Variants in CHST11 observed in about 807,000 individuals in gnomAD.
The protein encoded by CHST11 is C4S-1.
Under a neutral mutation model 30.4 loss-of-function variants are expected in CHST11, and 9 were observed. The observed-to-expected ratio is 0.30, with a 90% CI of 0.18 to 0.52. CHST11 has a LOEUF of 0.52. Ranked by LOEUF, CHST11 falls within the 20% of genes least tolerant of loss-of-function variation. The probability of loss-of-function intolerance (pLI) is 0.97; values close to 1 mark genes in which losing one functional copy is unlikely to be tolerated. For synonymous variants in CHST11, 152 were observed against 187.8 expected (o/e 0.81, Z 1.56); for missense variants, 348 against 460.6 (o/e 0.76, Z 2.24).
At chr12:104,662,647 A>T (rs1399457727) in intron 2 of CHST11, among the ~76,000 whole-genome samples, 2 of 152,174 alleles carry the variant, frequency 1.3e-5, no homozygotes, top group Non-Finnish European at 1.5e-5. Context: ...TGTAATTCCC[A>T]GCTCACCAAG....
chr12:104,603,640 G>A lies in CHST11; in HGVS notation c.204+1649G>A, dbSNP rs75395962. 5.2e-4 allele frequency among the ~76,000 whole-genome samples: 79 copies of A among 152,322 alleles called. 1 individual carries two copies. In the East Asian group the frequency reaches 0.015, roughly 28 times the overall value. On this transcript the variant is annotated intron_variant, in intron 2 of 2. Coordinates refer to ENST00000303694, the MANE Select transcript of CHST11 (RefSeq NM_018413.6). ...CCTAAAACTCTCCCTGGAATGTTGG[G>A]AGGATGAAATAATTCTGATGTGTCA...
intron 1 of CHST11, among the ~76,000 whole-genome samples, chr12:104,578,891 T>G (rs2038710977): frequency 6.6e-6 from 1 of 152,212 alleles, no homozygotes; most frequent in Admixed American, 6.5e-5. Flanking sequence ...TGTTAGGCTC[T>G]TGTGACATGC....
chr12:104,757,338 C>T lies in CHST11; in HGVS notation c.594C>T (p.Asn198=). The T allele has an allele frequency of 6.2e-7, 1 of 1,614,158 alleles. No homozygotes were observed. The highest frequency in any genetic ancestry group is 1.3e-5 in the African/African-American group (1 of 75,028). The part of the protein sequence containing the change: ...PFERLVSAYR[N]KFTQKYNISF... ...AGAGGCTAGTGTCCGCCTACCGCAA[C>T]AAGTTCACCCAGAAGTACAACATCT... The change falls in exon 3 of 3, where the codon AAC becomes AAT. Residue 198 remains asparagine (N), a synonymous_variant. Coordinates refer to ENST00000303694, the MANE Select transcript of CHST11 (RefSeq NM_018413.6). The surrounding 1 kb of genome is among the most constrained non-coding windows in gnomAD (Gnocchi z 6.5).
rs182784093 is a variant in CHST11 at position 104,594,264 on chromosome 12, A to G, written c.119-7642A>G. ...ACTGGGCCCAGTATTTTCCTCTGCA[A>G]ATGAGCAGGGTGACCAGACGAGGGC... On this transcript the variant is annotated intron_variant, in intron 1 of 2. Transcript: ENST00000303694. 4.0e-3 allele frequency among the ~76,000 whole-genome samples: 557 copies of G among 138,040 alleles called. 1 individual carries two copies. Among genetic ancestry groups the G allele is most frequent in the Admixed American group, 7.3e-3 (104 of 14,294 alleles). The allele number at this position is 138,040 out of a possible 152,430, so 90.6% of individuals were successfully genotyped here.
At chr12:104,497,526 C>T (rs2135971998) in intron 1 of CHST11, among the ~76,000 whole-genome samples, 1 of 152,246 alleles carries the variant, frequency 6.6e-6, no homozygotes, top group Admixed American at 6.5e-5. Flanking sequence ...GCAGCCCAGG[C>T]AAATCAATAC....
chr12:104,584,236 C>T (rs1383609622), intron 1 of CHST11, among the ~76,000 whole-genome samples: 1 of 147,784 alleles, frequency 6.8e-6, no homozygotes, highest in Admixed American at 6.9e-5. Context: ...TCTATTTTAA[C>T]AAAGTTGTTT....
Position 104,761,654 on chromosome 12 carries a change from G to T in CHST11, c.*3851G>T, listed in dbSNP as rs528122227. The T allele has an allele frequency of 1.3e-5, 2 of 152,348 alleles. No individual in the cohort carries two copies. Among genetic ancestry groups the T allele is most frequent in the African/African-American group, 4.8e-5 (2 of 41,526 alleles). The allele number at this position is 152,348 out of a possible 1,614,324, so 9.4% of individuals were successfully genotyped here. A position where few individuals can be genotyped will look rare whatever the true frequency, so the allele number is the denominator to read the frequency against. On this transcript the variant is annotated 3_prime_UTR_variant, in exon 3 of 3. Transcript: ENST00000303694. ...ATCACAACCAGTTAGAACCCTACAGGCAACAAGGCCTTCTAGAATCCGCTT... is the reference window on the plus strand; with the variant it reads ...ATCACAACCAGTTAGAACCCTACAGTCAACAAGGCCTTCTAGAATCCGCTT...
chr12:104,634,428 G>A lies in CHST11; in HGVS notation c.204+32437G>A, dbSNP rs118187597. ...TGTTAGAGGGAATATAAGAGGAGCC[G>A]AGCTGGCTCCACCACAGGGCTGCCG... On this transcript the variant is annotated intron_variant, in intron 2 of 2. Transcript: ENST00000303694. 8.9e-4 allele frequency among the ~76,000 whole-genome samples: 136 copies of A among 152,270 alleles called. 2 individuals are homozygous for A. The East Asian group carries it at 0.024, about 27-fold the overall frequency.
chr12:104,523,728 A>T (rs2038096017), intron 1 of CHST11, among the ~76,000 whole-genome samples: 1 of 152,232 alleles, frequency 6.6e-6, no homozygotes, highest in Non-Finnish European at 1.5e-5. Flanking sequence ...GTTGCTTGTT[A>T]GAACACTGGC....
intron 2 of CHST11, among the ~76,000 whole-genome samples, chr12:104,636,011 A>T (rs2039319921): frequency 6.6e-6 from 1 of 152,232 alleles, no homozygotes; most frequent in Non-Finnish European, 1.5e-5. Context: ...TATAATTAAC[A>T]TTTACAGAGT....
In CHST11 at chr12:104,458,454, A is replaced by T. The variant is rs1290416339; in HGVS notation, c.118+925A>T. On this transcript the variant is annotated intron_variant, in intron 1 of 2. Coordinates refer to ENST00000303694, the MANE Select transcript of CHST11 (RefSeq NM_018413.6). This position sits in a 1 kb window ranked among gnomAD's most constrained non-coding sequence, Gnocchi z 5.7. ...GTCCGAAATCTGGACTGGGGGAGGG[A>T]CGAGGCTCGTCGCTTCCTAGGGGTG... is the stretch of plus-strand genomic sequence containing the variant. Among the ~76,000 whole-genome samples the T allele has an allele frequency of 6.6e-6, 1 of 152,072 alleles. No homozygotes were observed. Among genetic ancestry groups the T allele is most frequent in the Non-Finnish European group, 1.5e-5 (1 of 68,004 alleles).
intron 1 of CHST11, among the ~76,000 whole-genome samples, chr12:104,479,338 A>G (rs2037595666): frequency 6.6e-6 from 1 of 152,102 alleles, no homozygotes; most frequent in African/African-American, 2.4e-5. Context: ...GTAGAAAGAG[A>G]GAGTACTTCT....
chr12:104,456,982 G>C lies in CHST11; in HGVS notation c.-430G>C, dbSNP rs1039716191. 1 of 153,948 alleles carries C rather than the reference G, an allele frequency of 6.5e-6. No individual in the cohort carries two copies. Among genetic ancestry groups the C allele is most frequent in the Non-Finnish European group, 1.4e-5 (1 of 69,318 alleles). 9.5% of individuals were successfully genotyped at this position (153,948 alleles called of 1,614,324 possible). A position where few individuals can be genotyped will look rare whatever the true frequency, so the allele number is the denominator to read the frequency against. On this transcript the variant is annotated 5_prime_UTR_variant, in exon 1 of 3. Transcript: ENST00000303694. The stretch of plus-strand genomic sequence containing the variant: ...AACCCAGCCCCGGAATATATAGATC[G>C]TTGGAGCGCAATGAAGTAGCCTTTG...
intron 2 of CHST11, among the ~76,000 whole-genome samples, chr12:104,715,747 C>G (rs531236034): frequency 6.6e-6 from 1 of 152,140 alleles, no homozygotes; most frequent in Non-Finnish European, 1.5e-5. Context: ...CTCCCCTCCC[C>G]CTGACAGGAA....
chr12:104,642,316 A>G (rs549623676), intron 2 of CHST11, among the ~76,000 whole-genome samples: 12 of 152,236 alleles, frequency 7.9e-5, no homozygotes, highest in Admixed American at 4.6e-4. Context: ...GAAAAAAATT[A>G]CAAAGCGACA....
intron 2 of CHST11, among the ~76,000 whole-genome samples, chr12:104,631,836 A>T (rs1289401507): frequency 6.6e-6 from 1 of 152,216 alleles, no homozygotes; most frequent in African/African-American, 2.4e-5. Flanking sequence ...GGTCGGAGCC[A>T]CGGCACAGGT....
At chr12:104,586,159 T>G (rs1704891) in intron 1 of CHST11, among the ~76,000 whole-genome samples, 131,936 of 152,068 alleles carry the variant, frequency 0.87, 57,461 homozygotes, top group East Asian at 1. Context: ...ATATGAATTT[T>G]GGAGGGACAC....
chr12:104,656,919 G>T (rs1415207889), intron 2 of CHST11, among the ~76,000 whole-genome samples: 1 of 152,154 alleles, frequency 6.6e-6, no homozygotes, highest in African/African-American at 2.4e-5. Flanking sequence ...TCATACTTCA[G>T]AAGTTTCAAT....
chr12:104,518,668 A>G (rs1416732552), intron 1 of CHST11, among the ~76,000 whole-genome samples: 2 of 152,210 alleles, frequency 1.3e-5, no homozygotes, highest in African/African-American at 4.8e-5. Context: ...CACTTCAGGT[A>G]ATGAGACAGG....
Sources: gnomAD v4.1 joint callset for allele counts (sites outside exome capture counted in the v4.1 genomes callset) on GRCh38, gnomAD v4.1.1 for gene constraint, Gnocchi (gnomAD v3.1) non-coding constraint, MANE v1.5 for transcripts, NCBI Gene and HGNC (gene_info 2026-07-23, HGNC 2026-07-21) for gene names.